The following CPNE4 variants were observed in gnomAD, a reference collection of about 807,000 sequenced individuals.
CPNE4 encodes the protein copine-4.
A neutral mutation model predicts 67.9 loss-of-function variants in CPNE4; 25 were observed. The ratio of observed to expected loss-of-function variants is 0.37; its 90% CI spans 0.27 to 0.51. The LOEUF is 0.51. CPNE4 is among the 20% of genes least tolerant of loss of function. The pLI is 0.93. For synonymous variants in CPNE4, 242 were observed against 244.9 expected (o/e 0.99, Z 0.11); for missense variants, 464 against 690.8 (o/e 0.67, Z 3.68).
intron 7 of CPNE4, among the ~76,000 whole-genome samples, chr3:131,615,129 G>C (rs1289130491): frequency 1.3e-5 from 2 of 152,158 alleles, no homozygotes; most frequent in Admixed American, 1.3e-4. Context: ...CTCAGATGAC[G>C]ATATGCTATT....
intron 1 of CPNE4, among the ~76,000 whole-genome samples, chr3:132,015,525 A>ACC (rs386397941): frequency 4.0e-5 from 6 of 151,722 alleles, no homozygotes; most frequent in African/African-American, 1.5e-4. Context: ...TCACACACAC[A>ACC]CACACCCAAC....
intron 14 of CPNE4, among the ~76,000 whole-genome samples, chr3:131,545,954 C>T (rs372512497): frequency 3.9e-5 from 6 of 151,994 alleles, no homozygotes; most frequent in Non-Finnish European, 5.9e-5. Flanking sequence ...CCCAGCTACT[C>T]GGGAGGCTAA....
chr3:132,006,322 T>C (rs1274543586), intron 1 of CPNE4, among the ~76,000 whole-genome samples: 6 of 152,112 alleles, frequency 3.9e-5, no homozygotes, highest in Admixed American at 1.3e-4. Context: ...AAAATTGAGA[T>C]AATAATTTCT....
At position 131,918,370 on chromosome 3, in the gene CPNE4, G is replaced by A. The variant is rs562318251; in HGVS notation, c.-1-12926C>T. Among the ~76,000 whole-genome samples, 168 of 152,316 alleles carry A rather than the reference G, an allele frequency of 1.1e-3. 1 individual carries two copies. The highest frequency in any genetic ancestry group is 3.9e-3 in the African/African-American group (161 of 41,582). On this transcript the variant is annotated intron_variant, in intron 1 of 15. Coordinates refer to ENST00000429747, the MANE Select transcript of CPNE4 (RefSeq NM_130808.3). ...AATATTTATTTAATACTTCGAGTAT[G>A]TGCTGAGAACCATGGTAGGTACTGG... is the stretch of plus-strand genomic sequence containing the variant.
intron 2 of CPNE4, among the ~76,000 whole-genome samples, chr3:131,852,854 TATA>T (rs2086289748): frequency 6.6e-6 from 1 of 151,506 alleles, no homozygotes; most frequent in African/African-American, 2.4e-5. Context: ...AATACAAAAA[TATA>T]ATAATTTAAA....
intron 1 of CPNE4, among the ~76,000 whole-genome samples, chr3:132,004,692 TA>T (rs1274467973): frequency 6.6e-6 from 1 of 152,072 alleles, no homozygotes; most frequent in East Asian, 1.9e-4. Context: ...ATGTTACCCT[TA>T]AAAAACTACA....
chr3:131,568,494 C>T (rs945600223), intron 10 of CPNE4, among the ~76,000 whole-genome samples: 22 of 152,120 alleles, frequency 1.4e-4, no homozygotes, highest in African/African-American at 4.8e-4. Context: ...AGAGCCACCA[C>T]GTTTTCATTT....
At chr3:131,910,076 T>A (rs971301164) in intron 1 of CPNE4, among the ~76,000 whole-genome samples, 39 of 152,218 alleles carry the variant, frequency 2.6e-4, no homozygotes, top group African/African-American at 8.9e-4. Flanking sequence ...TTTGTGATCA[T>A]ATGAGGCTGT....
At chr3:131,540,949 G>T (rs1449224368) in intron 15 of CPNE4, among the ~76,000 whole-genome samples, 1 of 152,176 alleles carries the variant, frequency 6.6e-6, no homozygotes, top group Non-Finnish European at 1.5e-5. Context: ...TTTCCAAGGA[G>T]ACCACAGATA....
chr3:131,831,552 A>G (rs1230988150), intron 2 of CPNE4, among the ~76,000 whole-genome samples: 8 of 152,160 alleles, frequency 5.3e-5, no homozygotes, highest in Admixed American at 5.2e-4. Flanking sequence ...TTGCTGGCCT[A>G]ATGTTCTGAG....
At chr3:131,928,875 T>G (rs1024123309) in intron 1 of CPNE4, among the ~76,000 whole-genome samples, 3 of 152,208 alleles carry the variant, frequency 2.0e-5, no homozygotes, top group Non-Finnish European at 4.4e-5. Context: ...AGCAGCTGGC[T>G]GCTTCTGCAT....
intron 2 of CPNE4, among the ~76,000 whole-genome samples, chr3:131,791,213 A>G (rs1051658075): frequency 6.6e-6 from 1 of 152,202 alleles, no homozygotes; most frequent in Admixed American, 6.5e-5. Context: ...TTTCATTTTA[A>G]TAAATGCTTA....
intron 2 of CPNE4, among the ~76,000 whole-genome samples, chr3:131,765,103 A>G (rs2082978937): frequency 6.6e-6 from 1 of 152,136 alleles, no homozygotes; most frequent in Non-Finnish European, 1.5e-5. Flanking sequence ...GAATAGTGGA[A>G]AGAGTAAACC....
rs1254203362 is a variant in CPNE4 at position 131,876,030 on chromosome 3, G to GTTCCCATA, written c.180+29226_180+29233dup. ...GAGCCATCTTTCTAGAGGTAAAGAA[G>GTTCCCATA]TTCCCATATTTACCAATAACAAAAA... On this transcript the variant is annotated intron_variant, in intron 2 of 15. Coordinates refer to ENST00000429747, the MANE Select transcript of CPNE4 (RefSeq NM_130808.3). 3.3e-5 allele frequency among the ~76,000 whole-genome samples: 5 copies of GTTCCCATA among 152,146 alleles called. No homozygotes were observed. The East Asian group carries it at 9.7e-4, about 29-fold the overall frequency.
At chr3:132,027,904 T>TA (rs2074149877) in intron 1 of CPNE4, among the ~76,000 whole-genome samples, 1 of 152,238 alleles carries the variant, frequency 6.6e-6, no homozygotes. Context: ...TTGTATGAAA[T>TA]ACACCTTTCA....
chr3:131,734,991 C>T (rs1315646824), intron 2 of CPNE4, among the ~76,000 whole-genome samples: 1 of 152,150 alleles, frequency 6.6e-6, no homozygotes, highest in Non-Finnish European at 1.5e-5. Flanking sequence ...GTGCAGTTCT[C>T]ATCTCACCAC....
chr3:131,636,546 CT>C, intron 7 of CPNE4, among the ~76,000 whole-genome samples: 1 of 152,136 alleles, frequency 6.6e-6, no homozygotes, highest in Non-Finnish European at 1.5e-5. Context: ...ACCTAGTGGT[CT>C]TTCTCTACCT....
rs115789764 is a variant in CPNE4 at position 131,665,688 on chromosome 3, A to C, written c.681+3987T>G. Among the ~76,000 whole-genome samples, 28 of 68,002 alleles carry C rather than the reference A, an allele frequency of 4.1e-4. No homozygotes were observed. In the South Asian group the frequency reaches 0.013, roughly 31 times the overall value. The allele number at this position is 68,002 out of a possible 152,430, so 44.6% of individuals were successfully genotyped here. On this transcript the variant is annotated intron_variant, in intron 7 of 15. Coordinates refer to ENST00000429747, the MANE Select transcript of CPNE4 (RefSeq NM_130808.3). ...ACAAACAAACAAACAAACAAACAAA[A>C]AACAGAAAGAAAAGAGAAAAAGAAA...
chr3:131,986,724 G>T (rs1004070430), intron 1 of CPNE4, among the ~76,000 whole-genome samples: 1 of 151,594 alleles, frequency 6.6e-6, no homozygotes, highest in African/African-American at 2.4e-5. Context: ...GTGAAACCCA[G>T]TCTCTACTAA....
Sources: gnomAD v4.1 joint callset for allele counts (sites outside exome capture counted in the v4.1 genomes callset) on GRCh38, gnomAD v4.1.1 for gene constraint, MANE v1.5 for transcripts, NCBI Gene and HGNC (gene_info 2026-07-23, HGNC 2026-07-21) for gene names.